The following DACH1 variants were observed in gnomAD, a reference collection of about 807,000 sequenced individuals.
DACH1 encodes dachshund homolog 1.
Under a neutral mutation model 54.2 loss-of-function variants are expected in DACH1, and 12 were observed. The ratio of observed to expected loss-of-function variants is 0.22; its 90% CI spans 0.14 to 0.36. The LOEUF is 0.36. DACH1 is among the 10% of genes least tolerant of loss of function. DACH1 has a pLI of 1.00. For synonymous variants in DACH1, 386 were observed against 366.2 expected, an observed-to-expected ratio of 1.05 and a Z score of -0.62; for missense variants, 805 against 929.8, an observed-to-expected ratio of 0.87 and a Z score of 1.75.
At chr13:71,857,923 T>C (rs915054288) in intron 1 of DACH1, among the ~76,000 whole-genome samples, 1 of 151,756 alleles carries the variant, frequency 6.6e-6, no homozygotes, top group East Asian at 1.9e-4. Context: ...ATAAACAATA[T>C]GTCTTTAAAA....
At chr13:71,725,010 T>C (rs1440866917) in intron 1 of DACH1, among the ~76,000 whole-genome samples, 3 of 152,110 alleles carry the variant, frequency 2.0e-5, no homozygotes, top group Non-Finnish European at 4.4e-5. Flanking sequence ...AAATGTGATA[T>C]TACAATTGGC....
At chr13:71,529,993 T>C (rs1385967735) in intron 6 of DACH1, among the ~76,000 whole-genome samples, 1 of 152,162 alleles carries the variant, frequency 6.6e-6, no homozygotes, top group Non-Finnish European at 1.5e-5. Flanking sequence ...AAAAATGATA[T>C]TTGCATTATG....
chr13:71,779,274 CGT>C (rs1483949029), intron 1 of DACH1, among the ~76,000 whole-genome samples: 1 of 88,762 alleles, frequency 1.1e-5, no homozygotes, highest in Non-Finnish European at 2.2e-5. Flanking sequence ...TGTATATATA[CGT>C]ATATACGTAT....
chr13:71,760,014 T>C (rs192779333), intron 1 of DACH1, among the ~76,000 whole-genome samples: 11 of 152,318 alleles, frequency 7.2e-5, no homozygotes, highest in Non-Finnish European at 1.5e-4. Flanking sequence ...TTCATTCCAT[T>C]GACTCATTTG....
chr13:71,632,701 C>A (rs1188285551), intron 2 of DACH1, among the ~76,000 whole-genome samples: 2 of 152,068 alleles, frequency 1.3e-5, no homozygotes, highest in African/African-American at 4.8e-5. Flanking sequence ...ACCAAAGAGG[C>A]CCTGACAACT....
At chr13:71,679,022 G>A (rs956895810) in intron 2 of DACH1, among the ~76,000 whole-genome samples, 3 of 152,020 alleles carry the variant, frequency 2.0e-5, no homozygotes, top group African/African-American at 7.2e-5. Flanking sequence ...TTCTTCTTTA[G>A]AACATGGCTG....
rs1389743796 is a variant in DACH1, at chr13:71,607,933, A to G, written c.1126+22623T>C. Among the ~76,000 whole-genome samples the G allele has an allele frequency of 2.6e-5, 4 of 152,026 alleles. No homozygotes were observed. In the East Asian group the frequency reaches 5.8e-4, roughly 22 times the overall value. ...ATTCCCTCAGTTTAGGAATGAAGAT[A>G]CTGATGCCCAGAACGCTTAAGTGAT... On this transcript the variant is annotated intron_variant, in intron 3 of 10. Coordinates refer to ENST00000613252, the MANE Select transcript of DACH1 (RefSeq NM_080759.6).
intron 3 of DACH1, among the ~76,000 whole-genome samples, chr13:71,574,525 T>C (rs992315522): frequency 6.6e-6 from 1 of 151,950 alleles, no homozygotes; most frequent in Non-Finnish European, 1.5e-5. Context: ...CTCTACGACA[T>C]AGTTTTTAAT....
chr13:71,741,502 C>A (rs1225144272), intron 1 of DACH1, among the ~76,000 whole-genome samples: 2 of 152,080 alleles, frequency 1.3e-5, no homozygotes, highest in Non-Finnish European at 1.5e-5. Context: ...CTACAATCCA[C>A]TTCTTTATTT....
At chr13:71,463,238 A>G (rs1298591905) in intron 10 of DACH1, among the ~76,000 whole-genome samples, 2 of 152,128 alleles carry the variant, frequency 1.3e-5, no homozygotes, top group East Asian at 3.9e-4. Flanking sequence ...CTGATTTATT[A>G]ATTATCCCTG....
intron 1 of DACH1, among the ~76,000 whole-genome samples, chr13:71,745,915 C>T (rs1179935839): frequency 6.6e-6 from 1 of 152,156 alleles, no homozygotes; most frequent in Non-Finnish European, 1.5e-5. Context: ...GTAATTGTTA[C>T]ATCATAATAA....
intron 6 of DACH1, among the ~76,000 whole-genome samples, chr13:71,549,646 T>C (rs1883682438): frequency 6.6e-6 from 1 of 152,154 alleles, no homozygotes; most frequent in Non-Finnish European, 1.5e-5. Context: ...CACCAATAAA[T>C]GACTCTATTT....
chr13:71,480,977 T>C (rs1216184598), intron 7 of DACH1, among the ~76,000 whole-genome samples: 1 of 152,116 alleles, frequency 6.6e-6, no homozygotes, highest in Non-Finnish European at 1.5e-5. Context: ...CAGTAAAACA[T>C]AGCTGCTAAG....
intron 10 of DACH1, among the ~76,000 whole-genome samples, chr13:71,442,079 C>A (rs1223643045): frequency 2.6e-5 from 4 of 151,894 alleles, no homozygotes; most frequent in Non-Finnish European, 4.4e-5. Context: ...TAAAATGTAC[C>A]AATTACTATG....
Position 71,796,204 on chromosome 13 carries a change from T to C in DACH1, c.848+69718A>G, listed in dbSNP as rs1009102782. On this transcript the variant is annotated intron_variant, in intron 1 of 10. Coordinates refer to ENST00000613252, the MANE Select transcript of DACH1 (RefSeq NM_080759.6). ...ATTATTTTCTTCATGAAAAAGAAGT[T>C]AGAATAATAGTGCTTGTTCTTTTTG... Among the ~76,000 whole-genome samples the C allele has an allele frequency of 2.6e-5, 4 of 152,134 alleles. No individual in the cohort carries two copies. In the East Asian group the frequency reaches 7.7e-4, roughly 29 times the overall value.
intron 1 of DACH1, among the ~76,000 whole-genome samples, chr13:71,747,158 A>C (rs1884633870): frequency 6.6e-6 from 1 of 152,100 alleles, no homozygotes; most frequent in Non-Finnish European, 1.5e-5. Context: ...TTATAGGAAA[A>C]ATTACCTACA....
intron 1 of DACH1, among the ~76,000 whole-genome samples, chr13:71,787,807 A>G (rs1886667494): frequency 6.6e-6 from 1 of 152,132 alleles, no homozygotes; most frequent in South Asian, 2.1e-4. Context: ...GTGCAACTCT[A>G]TAAAGGAAGC....
In DACH1 at chr13:71,729,480, T is replaced by C. The variant is rs559346480; in HGVS notation, c.849-47570A>G. Among the ~76,000 whole-genome samples, 10 of 152,180 alleles carry C rather than the reference T, an allele frequency of 6.6e-5. No individual in the cohort carries two copies. The South Asian group carries it at 1.9e-3, about 28-fold the overall frequency. On this transcript the variant is annotated intron_variant, in intron 1 of 10. Transcript: ENST00000613252. ...TGACCTTGAAAAGAATCTTGGGTTA[T>C]GGTAGTCTATCACTAGTAATCAGGA... is the stretch of plus-strand genomic sequence containing the variant.
intron 7 of DACH1, among the ~76,000 whole-genome samples, chr13:71,484,763 T>G (rs1878338857): frequency 6.6e-6 from 1 of 152,176 alleles, no homozygotes; most frequent in African/African-American, 2.4e-5. Flanking sequence ...GCCAAAAGGT[T>G]CTAGATTTTA....
Sources: allele counts gnomAD v4.1 joint callset (sites outside exome capture counted in the v4.1 genomes callset), GRCh38; gene constraint gnomAD v4.1.1; transcripts MANE v1.5; gene names NCBI Gene and HGNC (gene_info 2026-07-23, HGNC 2026-07-21).